The following SESN1 variants were observed in gnomAD, a reference collection of about 807,000 sequenced individuals.
SESN1 encodes the protein sestrin 1.
Under a neutral mutation model 59.3 loss-of-function variants are expected in SESN1, and 30 were observed. That is an observed-to-expected ratio of 0.51 (90% CI 0.38 to 0.69). The LOEUF (loss-of-function observed/expected upper bound fraction) is 0.69, where lower values mean the gene tolerates loss of function less well. Among genes scored for constraint, SESN1 ranks in the 30% least tolerant of loss-of-function variants. The pLI is 0.00. For synonymous variants in SESN1, 197 were observed against 219.9 expected (o/e 0.90, Z 0.92); for missense variants, 566 against 673.0 (o/e 0.84, Z 1.76).
intron 1 of SESN1, among the ~76,000 whole-genome samples, chr6:109,003,853 A>C (rs1779675650): frequency 6.6e-6 from 1 of 152,218 alleles, no homozygotes; most frequent in Admixed American, 6.5e-5. Flanking sequence ...ATACATTTGA[A>C]ACAATACCTA....
intron 1 of SESN1, among the ~76,000 whole-genome samples, chr6:109,016,591 G>A (rs1779932734): frequency 6.6e-6 from 1 of 152,138 alleles, no homozygotes; most frequent in African/African-American, 2.4e-5. Flanking sequence ...GAACTTTCCT[G>A]TCTGTTCTTC....
At chr6:109,090,936 A>T (rs1319788300) in intron 1 of SESN1, among the ~76,000 whole-genome samples, 2 of 151,322 alleles carry the variant, frequency 1.3e-5, no homozygotes, top group Non-Finnish European at 2.9e-5. Flanking sequence ...CACCCAGCTA[A>T]TTTTTTTTTC....
Position 109,002,341 on chromosome 6 carries a change from T to A in SESN1, c.282A>T (p.Glu94Asp). The A allele has an allele frequency of 1.2e-6, 2 of 1,612,974 alleles. No homozygotes were observed. Among genetic ancestry groups the A allele is most frequent in the African/African-American group, 1.3e-5 (1 of 74,988 alleles). ...KSEFILKSIQ[E>D]LGIRIPRPLG... is the part of the protein sequence containing the mutation. Reference sequence around the variant, plus strand: ...GTGGTCGAGGAATTCTAATGCCAAGTTCCTAGAAAAGAAAATTACACCATC... The same window carrying A: ...GTGGTCGAGGAATTCTAATGCCAAGATCCTAGAAAAGAAAATTACACCATC... Residue 94 changes from glutamate (E) to aspartate (D), a missense_variant and splice_region_variant, in exon 2 of 10, where the codon GAA (glutamate) becomes GAT (aspartate). Physicochemically the swap from Glu to Asp is conservative, Grantham distance 45. Coordinates refer to ENST00000436639, the MANE Select transcript of SESN1 (RefSeq NM_014454.3).
intron 1 of SESN1, among the ~76,000 whole-genome samples, chr6:109,045,615 C>T (rs1780416617): frequency 6.6e-6 from 1 of 152,202 alleles, no homozygotes; most frequent in Non-Finnish European, 1.5e-5. Flanking sequence ...CTTCAACTGG[C>T]CTCTCCTTAG....
intron 4 of SESN1, 80 bp downstream of exon 4, chr6:109,000,411 C>T: frequency 1.8e-6 from 2 of 1,107,890 alleles, no homozygotes; most frequent in Non-Finnish European, 2.4e-6. Context: ...TCTGTACTTT[C>T]TGTGCGATTT....
intron 1 of SESN1, among the ~76,000 whole-genome samples, chr6:109,024,675 C>T (rs1176620167): frequency 1.3e-5 from 2 of 152,118 alleles, no homozygotes; most frequent in African/African-American, 2.4e-5. Flanking sequence ...CATAAATGTG[C>T]TCAGAATGCT....
rs1338451474 is a variant in SESN1 at position 108,985,002 on chromosome 6, A to ATCTT, written c.*2538_*2541dup. On this transcript the variant is annotated 3_prime_UTR_variant, in exon 10 of 10. Coordinates refer to ENST00000436639, the MANE Select transcript of SESN1 (RefSeq NM_014454.3). Reference sequence around the variant, plus strand: ...AGGACGTGGAGTTCCCAAGTCCATCATCTTGCTGACATTACTCCCATCTAC... The same window carrying ATCTT: ...AGGACGTGGAGTTCCCAAGTCCATCATCTTTCTTGCTGACATTACTCCCATCTAC... Among the ~76,000 whole-genome samples, 1 of 152,200 alleles carries ATCTT rather than the reference A, an allele frequency of 6.6e-6. No individual in the cohort carries two copies. The highest frequency in any genetic ancestry group is 2.4e-5 in the African/African-American group (1 of 41,450).
chr6:109,076,288 T>C (rs1471821607), intron 1 of SESN1, among the ~76,000 whole-genome samples: 1 of 152,240 alleles, frequency 6.6e-6, no homozygotes, highest in Non-Finnish European at 1.5e-5. Flanking sequence ...ATATCAGTCC[T>C]AGTTTATGCT....
intron 1 of SESN1, among the ~76,000 whole-genome samples, chr6:109,007,786 T>C (rs1314903166): frequency 1.3e-5 from 1 of 76,244 alleles, no homozygotes; most frequent in African/African-American, 8.7e-5. Flanking sequence ...GTCCAGGTAC[T>C]TTTTTTTTTT....
At chr6:109,052,820 TC>T (rs1780562604) in intron 1 of SESN1, among the ~76,000 whole-genome samples, 1 of 152,200 alleles carries the variant, frequency 6.6e-6, no homozygotes, top group South Asian at 2.1e-4. Context: ...CATTCATTTG[TC>T]CCTACACTCG....
At chr6:109,036,643 G>A (rs982799612) in intron 1 of SESN1, among the ~76,000 whole-genome samples, 1 of 152,116 alleles carries the variant, frequency 6.6e-6, no homozygotes, top group Admixed American at 6.5e-5. Flanking sequence ...TTTTTAGGTT[G>A]TGGTTTTTAA....
chr6:109,065,433 A>G (rs1277095559), intron 1 of SESN1, among the ~76,000 whole-genome samples: 2 of 152,182 alleles, frequency 1.3e-5, no homozygotes, highest in African/African-American at 4.8e-5. Context: ...TGATTGAAAT[A>G]ACTAAAATAT....
chr6:109,044,010 C>G (rs1469604948), intron 1 of SESN1, among the ~76,000 whole-genome samples: 1 of 151,990 alleles, frequency 6.6e-6, no homozygotes, highest in Non-Finnish European at 1.5e-5. Flanking sequence ...AAAATATGGT[C>G]AACTTATTGT....
At chr6:109,009,164 A>G (rs12215736) in intron 1 of SESN1, among the ~76,000 whole-genome samples, 15,239 of 152,022 alleles carry the variant, frequency 0.1, 930 homozygotes, top group Middle Eastern at 0.19. Context: ...ACCGCAGGCA[A>G]CCCCTTCCCC....
intron 1 of SESN1, among the ~76,000 whole-genome samples, chr6:109,038,765 T>C (rs1310147568): frequency 6.6e-6 from 1 of 152,142 alleles, no homozygotes; most frequent in East Asian, 1.9e-4. Context: ...GTTAAGTGTA[T>C]GAATGAGGTA....
intron 4 of SESN1, 33 bp from the exon 5 acceptor site, chr6:108,998,788 G>C: frequency 1.3e-6 from 2 of 1,579,252 alleles, no homozygotes; most frequent in African/African-American, 2.7e-5. Context: ...ATATATTTTT[G>C]TACTGGGGTG....
At chr6:108,995,447 G>GT (rs1179170588) in intron 5 of SESN1, among the ~76,000 whole-genome samples, 1 of 152,196 alleles carries the variant, frequency 6.6e-6, no homozygotes, top group African/African-American at 2.4e-5. Context: ...TCTGGCAGCT[G>GT]TCACTTGCTG....
chr6:109,084,648 G>T (rs1026296111), intron 1 of SESN1, among the ~76,000 whole-genome samples: 1 of 152,012 alleles, frequency 6.6e-6, no homozygotes, highest in African/African-American at 2.4e-5. Flanking sequence ...ATAAATGAAA[G>T]AATGTATAAT....
rs1242665594 is a variant in SESN1 at position 108,985,962 on chromosome 6, T to A, written c.*1582A>T. On this transcript the variant is annotated 3_prime_UTR_variant, in exon 10 of 10. Coordinates refer to ENST00000436639, the MANE Select transcript of SESN1 (RefSeq NM_014454.3). Reference sequence around the variant, plus strand: ...GAGAGTAAATATCCTTGAGGACAGGTACCACCTCTGTTCAAAATTGATCCT... The same window carrying A: ...GAGAGTAAATATCCTTGAGGACAGGAACCACCTCTGTTCAAAATTGATCCT... 6.6e-6 allele frequency among the ~76,000 whole-genome samples: 1 copy of A among 152,192 alleles called. No homozygotes were observed. Among genetic ancestry groups the A allele is most frequent in the African/African-American group, 2.4e-5 (1 of 41,448 alleles).
Sources: allele counts gnomAD v4.1 joint callset (sites outside exome capture counted in the v4.1 genomes callset), GRCh38; gene constraint gnomAD v4.1.1; transcripts MANE v1.5; gene names NCBI Gene and HGNC (gene_info 2026-07-23, HGNC 2026-07-21).